The following CDKL4 variants were observed in gnomAD, a reference collection of about 807,000 sequenced individuals.
CDKL4 encodes cyclin dependent kinase like 4, also known as cyclin-dependent kinase-like 4.
In CDKL4, 44 loss-of-function variants were observed where a neutral mutation model predicts 42.0. That is an observed-to-expected ratio of 1.05 (90% confidence interval 0.82 to 1.35). The LOEUF (loss-of-function observed/expected upper bound fraction) is 1.35. Ranked by LOEUF, CDKL4 falls within the 40% of genes most tolerant of loss-of-function variation. The pLI is 0.00. For synonymous variants in CDKL4, 120 were observed against 121.6 expected, an observed-to-expected ratio of 0.99 and a Z score of 0.09; for missense variants, 393 against 369.9, an observed-to-expected ratio of 1.06 and a Z score of -0.51.
chr2:39,196,045 C>T (rs1676497558), intron 5 of CDKL4, among the ~76,000 whole-genome samples: 1 of 152,190 alleles, frequency 6.6e-6, no homozygotes, highest in Admixed American at 6.5e-5. Flanking sequence ...AGCCAAGGAG[C>T]TCTGAAGACA....
intron 6 of CDKL4, among the ~76,000 whole-genome samples, chr2:39,188,181 T>C (rs1421309055): frequency 6.6e-6 from 1 of 152,144 alleles, no homozygotes; most frequent in Non-Finnish European, 1.5e-5. Flanking sequence ...ATGAGAGGAA[T>C]GGGATTCTGC....
intron 1 of CDKL4, among the ~76,000 whole-genome samples, chr2:39,231,510 T>C (rs1679091514): frequency 6.6e-6 from 1 of 152,190 alleles, no homozygotes; most frequent in Admixed American, 6.5e-5. Flanking sequence ...TTTTTTACAG[T>C]GCTGCTTTTT....
chr2:39,225,557 A>G (rs1386458238), intron 3 of CDKL4, among the ~76,000 whole-genome samples: 2 of 152,214 alleles, frequency 1.3e-5, no homozygotes, highest in Non-Finnish European at 2.9e-5. Context: ...GTTTCCTAGT[A>G]TCAAACCATG....
At chr2:39,228,785 CTG>C (rs1412902910) in intron 2 of CDKL4, among the ~76,000 whole-genome samples, 1 of 150,970 alleles carries the variant, frequency 6.6e-6, no homozygotes, top group African/African-American at 2.4e-5. Context: ...AGATCTAAAA[CTG>C]TAAGATATTT....
intron 7 of CDKL4, 45 bp downstream of exon 7, chr2:39,187,582 A>G (rs1388644537): frequency 7.6e-7 from 1 of 1,310,626 alleles, no homozygotes; most frequent in Non-Finnish European, 1.1e-6. Context: ...TCTTTAAAGA[A>G]AGCCGCAACA....
intron 9 of CDKL4, chr2:39,178,676 C>T (rs1335852395): frequency 6.2e-7 from 1 of 1,606,790 alleles, no homozygotes; most frequent in Non-Finnish European, 8.5e-7. Context: ...GAATTTGGTT[C>T]CCAGATGTCT....
exon 2 of CDKL4, chr2:39,229,376 G>C (rs766021428): frequency 1.3e-6 from 2 of 1,594,792 alleles, no homozygotes; most frequent in Non-Finnish European, 1.7e-6. Flanking sequence ...TTCAACATAC[G>C]TATTTCTCTT....
chr2:39,215,659 C>A (rs949090314), intron 3 of CDKL4, among the ~76,000 whole-genome samples: 3 of 152,168 alleles, frequency 2.0e-5, no homozygotes, highest in African/African-American at 4.8e-5. Flanking sequence ...ATGTAGCTGA[C>A]TTTACAGAAC....
chr2:39,210,444 A>T (rs897227331), intron 4 of CDKL4, among the ~76,000 whole-genome samples: 3 of 152,212 alleles, frequency 2.0e-5, no homozygotes, highest in African/African-American at 4.8e-5. Flanking sequence ...GGAAATAGTC[A>T]CAATCAGTTA....
chr2:39,229,447 A>G (rs1326094738), exon 2 of CDKL4: 1 of 1,613,516 alleles, frequency 6.2e-7, no homozygotes, highest in Non-Finnish European at 8.5e-7. Context: ...AACAGCTACT[A>G]CTTGTCCAGA....
chr2:39,182,612 A>T (rs1251651853), intron 8 of CDKL4, among the ~76,000 whole-genome samples: 1 of 152,212 alleles, frequency 6.6e-6, no homozygotes, highest in Non-Finnish European at 1.5e-5. Context: ...AGAAATGAGA[A>T]ATCAAAATGG....
chr2:39,194,654 G>A (rs1676403813), intron 5 of CDKL4, among the ~76,000 whole-genome samples: 1 of 152,004 alleles, frequency 6.6e-6, no homozygotes, highest in Non-Finnish European at 1.5e-5. Flanking sequence ...AGCTTTTGTG[G>A]TTCTCTTTTA....
At chr2:39,234,112 A>G (rs1187472938) in intron 1 of CDKL4, among the ~76,000 whole-genome samples, 1 of 151,626 alleles carries the variant, frequency 6.6e-6, no homozygotes, top group Non-Finnish European at 1.5e-5. Context: ...GTGGGGTTTC[A>G]CTGTGTTAGC....
At chr2:39,237,077 C>T (rs987549687) in intron 1 of CDKL4, among the ~76,000 whole-genome samples, 2 of 152,172 alleles carry the variant, frequency 1.3e-5, no homozygotes, top group African/African-American at 4.8e-5. Flanking sequence ...CAAAGTCAGA[C>T]AAAGAAATCA....
intron 2 of CDKL4, among the ~76,000 whole-genome samples, chr2:39,227,574 A>G (rs568112037): frequency 6.6e-6 from 1 of 152,304 alleles, no homozygotes; most frequent in Admixed American, 6.5e-5. Context: ...TAAGGGAAAA[A>G]AAAGAGAGAA....
At chr2:39,185,191 C>CAT (rs1181485240) in intron 7 of CDKL4, among the ~76,000 whole-genome samples, 1 of 76,340 alleles carries the variant, frequency 1.3e-5, no homozygotes, top group African/African-American at 5.4e-5. Flanking sequence ...TGTGTATATA[C>CAT]ATATATATAC....
At chr2:39,204,330 A>T (rs1331999065) in intron 5 of CDKL4, among the ~76,000 whole-genome samples, 197 bp downstream of exon 5, 2 of 152,260 alleles carry the variant, frequency 1.3e-5, no homozygotes, top group Non-Finnish European at 2.9e-5. Context: ...GAAAGGTGAC[A>T]TCTGATAAAT....
chr2:39,178,805 C>A, intron 9 of CDKL4: 1 of 1,555,028 alleles, frequency 6.4e-7, no homozygotes, highest in South Asian at 1.2e-5. Context: ...TATTGCACAT[C>A]TGGAGGCTAC....
At chr2:39,204,417 A>G in intron 5 of CDKL4, 110 bp downstream of exon 5, 1 of 710,196 alleles carries the variant, frequency 1.4e-6, no homozygotes, top group South Asian at 1.6e-5. Context: ...TCCTTTTTGA[A>G]TAACAACAAT....
Sources: gnomAD v4.1 joint callset for allele counts (sites outside exome capture counted in the v4.1 genomes callset) on GRCh38, gnomAD v4.1.1 for gene constraint, MANE v1.5 for transcripts, NCBI Gene and HGNC (gene_info 2026-07-23, HGNC 2026-07-21) for gene names.